Variants in PCDHA6 observed in about 807,000 individuals in gnomAD.
PCDHA6 encodes the protein protocadherin alpha-6.
Under a neutral mutation model 60.3 loss-of-function variants are expected in PCDHA6, and 55 were observed. The ratio of observed to expected loss-of-function variants is 0.91; its 90% CI spans 0.73 to 1.14. The LOEUF (loss-of-function observed/expected upper bound fraction) is 1.14. Ranked by LOEUF, PCDHA6 falls within the 50% of genes most tolerant of loss-of-function variation. PCDHA6 has a pLI of 0.00. For missense variants in PCDHA6, 1,327 were observed against 1,256.5 expected (o/e 1.06, Z -0.85); for synonymous variants, 652 against 557.9 (o/e 1.17, Z -2.38).
At position 141,010,421 on chromosome 5, in the gene PCDHA6, A is replaced by T. The variant is rs1486731012; in HGVS notation, c.*484A>T. The T allele has an allele frequency of 8.7e-7, 1 of 1,148,142 alleles. No homozygotes were observed. Among genetic ancestry groups the T allele is most frequent in the Admixed American group, 2.9e-5 (1 of 34,726 alleles). The allele number at this position is 1,148,142 out of a possible 1,614,324, so 71.1% of individuals were successfully genotyped here. A position where few individuals can be genotyped will look rare whatever the true frequency, so the allele number is the denominator to read the frequency against. ...CAGCTTAGACTAATTGGTACAAGGAAGGCAAGAAAACAAAGACAAATAAAC... is the reference window on the plus strand; with the variant it reads ...CAGCTTAGACTAATTGGTACAAGGATGGCAAGAAAACAAAGACAAATAAAC... On this transcript the variant is annotated 3_prime_UTR_variant, in exon 4 of 4. Coordinates refer to ENST00000529310, the MANE Select transcript of PCDHA6 (RefSeq NM_018909.4).
rs782251799 is a variant in PCDHA6 at position 140,876,987 on chromosome 5, G to T, written c.2394+46502G>T. On this transcript the variant is annotated intron_variant, in intron 1 of 3. Transcript: ENST00000529310. The stretch of plus-strand genomic sequence containing the variant: ...GGCGGGTGGGCGAGCACGCACTGTC[G>T]AGCTACGTGTCGGTGCACGCGGAGA... The T allele has an allele frequency of 9.9e-6, 16 of 1,612,540 alleles. 1 individual carries two copies. The South Asian group carries it at 1.4e-4, about 14-fold the overall frequency.
rs782597550 is a variant in PCDHA6 at position 140,934,018 on chromosome 5, TG to T, written c.2395-44929del. ...ACCTCTCATTTTTCTTGACTAGACTTGGAAGTAGTTTATTAATGATATTAGT... is the reference window on the plus strand; with the variant it reads ...ACCTCTCATTTTTCTTGACTAGACTTGAAGTAGTTTATTAATGATATTAGT... On this transcript the variant is annotated intron_variant, in intron 1 of 3. Coordinates refer to ENST00000529310, the MANE Select transcript of PCDHA6 (RefSeq NM_018909.4). Among the ~76,000 whole-genome samples the T allele has an allele frequency of 2.6e-4, 40 of 152,182 alleles. 1 individual carries two copies. The highest frequency in any genetic ancestry group is 3.4e-3 in the Middle Eastern group (1 of 294).
intron 1 of PCDHA6, chr5:140,930,291 C>G (rs529065220): frequency 2.0e-5 from 3 of 152,094 alleles, no homozygotes; most frequent in Non-Finnish European, 4.4e-5. Flanking sequence ...ATACACTTAA[C>G]AAATAAGTAA....
intron 3 of PCDHA6, among the ~76,000 whole-genome samples, chr5:141,003,811 C>G (rs1490096042): frequency 1.3e-5 from 2 of 152,114 alleles, no homozygotes; most frequent in African/African-American, 4.8e-5. Context: ...AATCTGTAGT[C>G]TGGGAAGGGC....
intron 1 of PCDHA6, among the ~76,000 whole-genome samples, chr5:140,892,332 T>A (rs552266223): frequency 6.6e-6 from 1 of 152,274 alleles, no homozygotes; most frequent in African/African-American, 2.4e-5. Context: ...TTCTCCAGAA[T>A]GGATTTTAAT....
At chr5:140,922,190 T>C (rs1486044845) in intron 1 of PCDHA6, among the ~76,000 whole-genome samples, 2 of 152,154 alleles carry the variant, frequency 1.3e-5, no homozygotes, top group African/African-American at 4.8e-5. Flanking sequence ...AAAAAAGTCT[T>C]ATCTTTAATG....
intron 1 of PCDHA6, among the ~76,000 whole-genome samples, chr5:140,947,079 C>T (rs2094082344): frequency 6.6e-6 from 1 of 151,398 alleles, no homozygotes; most frequent in Non-Finnish European, 1.5e-5. Context: ...TGTATTGAAA[C>T]ATCAGACTGT....
At chr5:140,902,313 C>T (rs2069368502) in intron 1 of PCDHA6, among the ~76,000 whole-genome samples, 1 of 150,820 alleles carries the variant, frequency 6.6e-6, no homozygotes, top group African/African-American at 2.4e-5. Context: ...GCTGGGATTA[C>T]AGGTGTAACT....
intron 3 of PCDHA6, among the ~76,000 whole-genome samples, chr5:140,987,524 GT>G (rs1341881093): frequency 6.6e-6 from 1 of 152,144 alleles, no homozygotes; most frequent in Non-Finnish European, 1.5e-5. Flanking sequence ...GTAATTGTAT[GT>G]TCCTGGGACC....
intron 1 of PCDHA6, chr5:140,842,209 T>C (rs1777791559): frequency 6.2e-7 from 1 of 1,613,490 alleles, no homozygotes. Flanking sequence ...TTAGCATAGA[T>C]CGAAATACGG....
rs782762108 is a variant in PCDHA6 at position 140,876,906 on chromosome 5, G to A, written c.2394+46421G>A. 3.7e-6 allele frequency: 6 copies of A among 1,613,910 alleles called. No homozygotes were observed. In the African/African-American group the frequency reaches 8.0e-5, roughly 22 times the overall value. On this transcript the variant is annotated intron_variant, in intron 1 of 3. Transcript: ENST00000529310. Reference sequence around the variant, plus strand: ...CGGGCTGCCACATCTTCACGGTGTCGGCATGGGACGCGGACGCGCAGAAGA... The same window carrying A: ...CGGGCTGCCACATCTTCACGGTGTCAGCATGGGACGCGGACGCGCAGAAGA...
At chr5:140,858,485 T>G (rs2045446148) in intron 1 of PCDHA6, 1 of 1,503,010 alleles carries the variant, frequency 6.7e-7, no homozygotes, top group Non-Finnish European at 9.1e-7. Flanking sequence ...GAATAATATT[T>G]TCTCTTACCG....
intron 1 of PCDHA6, among the ~76,000 whole-genome samples, chr5:140,946,637 G>T: frequency 1.5e-5 from 1 of 64,620 alleles, no homozygotes; most frequent in African/African-American, 1.0e-4. Flanking sequence ...TATATACAAT[G>T]GAATACTCAT....
At chr5:140,967,588 A>G (rs782208520) in intron 1 of PCDHA6, 7 of 1,614,116 alleles carry the variant, frequency 4.3e-6, no homozygotes, top group Non-Finnish European at 5.1e-6. Flanking sequence ...CCCCAGGCAC[A>G]TTGGTGGTGA....
At chr5:140,982,795 AT>A (rs2097005249) in intron 3 of PCDHA6, among the ~76,000 whole-genome samples, 1 of 151,516 alleles carries the variant, frequency 6.6e-6, no homozygotes, top group African/African-American at 2.4e-5. Flanking sequence ...GCATGTGTGC[AT>A]GTGTGTGTGT....
intron 1 of PCDHA6, among the ~76,000 whole-genome samples, chr5:140,901,492 C>T (rs548353886): frequency 1.3e-5 from 2 of 152,234 alleles, no homozygotes; most frequent in South Asian, 2.1e-4. Flanking sequence ...GCACCTTCAT[C>T]GAAAATGAGT....
chr5:140,966,934 G>A (rs782780798), intron 1 of PCDHA6: 6 of 1,604,080 alleles, frequency 3.7e-6, no homozygotes, highest in South Asian at 2.2e-5. Flanking sequence ...CACCCGGCGC[G>A]CTCGTGGGCA....
intron 1 of PCDHA6, chr5:140,835,470 GCC>G: frequency 6.2e-7 from 1 of 1,613,868 alleles, no homozygotes; most frequent in Non-Finnish European, 8.5e-7. Flanking sequence ...TCCAGAGGAC[GCC>G]CAACCAGGTA....
intron 1 of PCDHA6, among the ~76,000 whole-genome samples, chr5:140,832,290 AT>A (rs1771900444): frequency 6.6e-6 from 1 of 152,162 alleles, no homozygotes; most frequent in Non-Finnish European, 1.5e-5. Context: ...TGAATGGTGT[AT>A]TTGCCCACAT....
Sources: allele counts gnomAD v4.1 joint callset (sites outside exome capture counted in the v4.1 genomes callset), GRCh38; gene constraint gnomAD v4.1.1; transcripts MANE v1.5; gene names NCBI Gene and HGNC (gene_info 2026-07-23, HGNC 2026-07-21).